Variants in NCAM2 observed in about 807,000 individuals in gnomAD.
NCAM2 encodes neural cell adhesion molecule 2, also known as N-CAM-2.
Under a neutral mutation model 98.1 loss-of-function variants are expected in NCAM2, and 30 were observed. The observed-to-expected ratio is 0.31, with a 90% CI of 0.23 to 0.41. The LOEUF is 0.41. Among genes scored for constraint, NCAM2 ranks in the 10% least tolerant of loss-of-function variants. The pLI is 1.00. For missense variants in NCAM2, 867 were observed against 1,005.8 expected, an observed-to-expected ratio of 0.86 and a Z score of 1.87; for synonymous variants, 368 against 342.4, an observed-to-expected ratio of 1.07 and a Z score of -0.83.
At chr21:21,036,395 C>G (rs975107525) in intron 1 of NCAM2, among the ~76,000 whole-genome samples, 3 of 152,068 alleles carry the variant, frequency 2.0e-5, no homozygotes, top group African/African-American at 7.2e-5. Context: ...CAAAAATGAG[C>G]AAAAATATTT....
chr21:21,439,879 A>G (rs1391414470), intron 12 of NCAM2, among the ~76,000 whole-genome samples: 1 of 152,228 alleles, frequency 6.6e-6, no homozygotes, highest in Non-Finnish European at 1.5e-5. Flanking sequence ...CAAGTATAGA[A>G]CACGTGTATG....
rs187232218 is a variant in NCAM2 at position 21,514,463 on chromosome 21, C to T, written c.2282+5408C>T. Reference sequence around the variant, plus strand: ...CTGGGCAACAAGAGCAAAACTTTGTCTCAAAAAACAAAAAAAAAAAAAAAA... The same window carrying T: ...CTGGGCAACAAGAGCAAAACTTTGTTTCAAAAAACAAAAAAAAAAAAAAAA... On this transcript the variant is annotated intron_variant, in intron 16 of 17. Transcript: ENST00000400546. 8.1e-3 allele frequency among the ~76,000 whole-genome samples: 525 copies of T among 65,188 alleles called. 7 individuals carry two copies. Among genetic ancestry groups the T allele is most frequent in the South Asian group, 0.063 (97 of 1,538 alleles). 42.8% of individuals were successfully genotyped at this position (65,188 alleles called of 152,430 possible).
chr21:21,025,439 C>T (rs1377484660), intron 1 of NCAM2, among the ~76,000 whole-genome samples: 2 of 152,004 alleles, frequency 1.3e-5, no homozygotes, highest in African/African-American at 2.4e-5. Context: ...GTATGAGAGA[C>T]GTCATTTCTA....
chr21:21,382,618 C>T (rs568994775), intron 9 of NCAM2, among the ~76,000 whole-genome samples: 1 of 151,414 alleles, frequency 6.6e-6, no homozygotes, highest in African/African-American at 2.4e-5. Flanking sequence ...TGGGTTCAAG[C>T]GATTCTCCTG....
intron 16 of NCAM2, among the ~76,000 whole-genome samples, chr21:21,515,456 T>C (rs554499676): frequency 1.6e-4 from 25 of 152,306 alleles, no homozygotes; most frequent in Admixed American, 1.4e-3. Context: ...ATACATGTAC[T>C]CATGAAACAT....
At chr21:21,377,647 A>C (rs1281580652) in intron 9 of NCAM2, among the ~76,000 whole-genome samples, 1 of 151,950 alleles carries the variant, frequency 6.6e-6, no homozygotes, top group African/African-American at 2.4e-5. Context: ...TAAATGATTC[A>C]GTTAAGCTCA....
rs551161761 is a variant in NCAM2, at chr21:21,505,694, T to C, written c.2078-3157T>C. On this transcript the variant is annotated intron_variant, in intron 15 of 17. Coordinates refer to ENST00000400546, the MANE Select transcript of NCAM2 (RefSeq NM_004540.5). The stretch of plus-strand genomic sequence containing the variant: ...CTGCTGAAAAGATGTGCTTACAGAA[T>C]AGTTTAATGTTTAACATTAGATAAT... 1.4e-4 allele frequency among the ~76,000 whole-genome samples: 22 copies of C among 152,170 alleles called. No individual in the cohort carries two copies. The South Asian group carries it at 4.1e-3, about 29-fold the overall frequency.
At chr21:21,303,310 A>C (rs764815233) in intron 5 of NCAM2, among the ~76,000 whole-genome samples, 3 of 152,140 alleles carry the variant, frequency 2.0e-5, no homozygotes, top group African/African-American at 4.8e-5. Flanking sequence ...GATAGTGACT[A>C]TAGTGAATGT....
intron 12 of NCAM2, among the ~76,000 whole-genome samples, chr21:21,453,305 T>C (rs1215839995): frequency 6.6e-6 from 1 of 151,354 alleles, no homozygotes; most frequent in African/African-American, 2.4e-5. Flanking sequence ...CAGAGTCCCA[T>C]ATGAAGTGAG....
chr21:21,390,150 T>C (rs1208361413), intron 9 of NCAM2, among the ~76,000 whole-genome samples: 2 of 152,176 alleles, frequency 1.3e-5, no homozygotes, highest in Non-Finnish European at 2.9e-5. Context: ...GCCACCTGGC[T>C]ATTATTTTTT....
intron 1 of NCAM2, among the ~76,000 whole-genome samples, chr21:21,182,255 G>A (rs532362790): frequency 6.6e-6 from 1 of 152,158 alleles, no homozygotes; most frequent in South Asian, 2.1e-4. Context: ...GTATTATTTA[G>A]TAACTTTATA....
In NCAM2 at chr21:21,542,606, A is replaced by G. The variant is rs1339614346; in HGVS notation, c.*4649A>G. The stretch of plus-strand genomic sequence containing the variant: ...ATGGAAGACAGTAAGCAAAACCATC[A>G]CTGTTGGAGAATTTCAAATCACAAC... On this transcript the variant is annotated 3_prime_UTR_variant, in exon 18 of 18. Transcript: ENST00000400546. 6.6e-6 allele frequency: 1 copy of G among 151,728 alleles called. No homozygotes were observed. The highest frequency in any genetic ancestry group is 2.4e-5 in the African/African-American group (1 of 41,356). 9.4% of individuals were successfully genotyped at this position (151,728 alleles called of 1,614,324 possible).
chr21:21,474,003 A>AATAGCCAT (rs1456343985), intron 14 of NCAM2, among the ~76,000 whole-genome samples: 1 of 151,866 alleles, frequency 6.6e-6, no homozygotes, highest in Non-Finnish European at 1.5e-5. Flanking sequence ...GCTTATTAAT[A>AATAGCCAT]ATAGCCATAT....
intron 5 of NCAM2, among the ~76,000 whole-genome samples, chr21:21,317,444 C>A (rs1408104148): frequency 2.0e-5 from 3 of 152,084 alleles, no homozygotes; most frequent in Non-Finnish European, 4.4e-5. Flanking sequence ...TCTAAAAATA[C>A]GTTCTGAAAT....
intron 1 of NCAM2, among the ~76,000 whole-genome samples, chr21:21,089,601 G>A (rs2065971644): frequency 6.6e-6 from 1 of 152,176 alleles, no homozygotes; most frequent in African/African-American, 2.4e-5. Context: ...TTGAGCCTGT[G>A]TGTGCCTGAC....
intron 15 of NCAM2, among the ~76,000 whole-genome samples, chr21:21,488,157 T>C (rs1986549480): frequency 6.6e-6 from 1 of 152,144 alleles, no homozygotes; most frequent in Non-Finnish European, 1.5e-5. Context: ...ATAATTTTAT[T>C]GCAAATAAAT....
At chr21:21,385,724 G>A in intron 9 of NCAM2, 1 of 1,144,648 alleles carries the variant, frequency 8.7e-7, no homozygotes, top group South Asian at 1.4e-5. Flanking sequence ...AAACAGGCAT[G>A]TGATATACAG....
chr21:21,270,392 A>G (rs961056213), intron 1 of NCAM2, among the ~76,000 whole-genome samples: 7 of 152,152 alleles, frequency 4.6e-5, no homozygotes, highest in African/African-American at 1.4e-4. Flanking sequence ...AATTGGCACT[A>G]AGATATATTT....
intron 1 of NCAM2, among the ~76,000 whole-genome samples, chr21:21,040,750 G>A (rs1022609238): frequency 1.3e-5 from 2 of 152,150 alleles, no homozygotes; most frequent in Admixed American, 1.3e-4. Flanking sequence ...GAAGTAGAGA[G>A]TAGAACTAGA....
Sources: allele counts gnomAD v4.1 joint callset (sites outside exome capture counted in the v4.1 genomes callset), GRCh38; gene constraint gnomAD v4.1.1; transcripts MANE v1.5; gene names NCBI Gene and HGNC (gene_info 2026-07-23, HGNC 2026-07-21).